Variants in BRWD3 observed in about 807,000 individuals in gnomAD.
The protein encoded by BRWD3 is bromodomain and WD repeat domain containing 3.
Under a neutral mutation model 149.7 loss-of-function variants are expected in BRWD3, and 10 were observed. The ratio of observed to expected loss-of-function variants is 0.07; its 90% CI spans 0.04 to 0.11. The LOEUF (loss-of-function observed/expected upper bound fraction) is 0.11, where lower values mean the gene tolerates loss of function less well. Among genes scored for constraint, BRWD3 ranks in the 10% least tolerant of loss-of-function variants. The pLI, the probability that BRWD3 is intolerant of heterozygous loss-of-function variation, is 1.00. For missense variants in BRWD3, 940 were observed against 1,373.2 expected, an observed-to-expected ratio of 0.68 and a Z score of 4.99; for synonymous variants, 504 against 456.7, an observed-to-expected ratio of 1.10 and a Z score of -1.32.
chrX:80,670,336 T>G lies in BRWD3; in HGVS notation c.*6273A>C. Among the ~76,000 whole-genome samples the G allele has an allele frequency of 9.0e-6, 1 of 111,423 alleles. No individual in the cohort carries two copies. Among genetic ancestry groups the G allele is most frequent in the Admixed American group, 9.6e-5 (1 of 10,441 alleles). ...TCAAAAGATCAACTCACAGGCTCAATATATTGGTTTTATTTTGCACATTTT... is the reference window on the plus strand; with the variant it reads ...TCAAAAGATCAACTCACAGGCTCAAGATATTGGTTTTATTTTGCACATTTT... On this transcript the variant is annotated 3_prime_UTR_variant, in exon 41 of 41. Coordinates refer to ENST00000373275, the MANE Select transcript of BRWD3 (RefSeq NM_153252.5).
chrX:80,735,063 A>T, intron 10 of BRWD3, 64 bp downstream of exon 10: 4 of 974,465 alleles, frequency 4.1e-6, no homozygotes, highest in Non-Finnish European at 5.9e-6. Context: ...TTCTTCATAA[A>T]TCACTTTCAC....
At chrX:80,703,456 A>T in intron 24 of BRWD3, 24 bp downstream of exon 24, 1 of 1,064,963 alleles carries the variant, frequency 9.4e-7, no homozygotes, top group Non-Finnish European at 1.3e-6. Context: ...TCCACAGAAA[A>T]AGGTTATAAC....
Position 80,754,253 on chromosome X carries a change from A to G in BRWD3, c.431-8524T>C, listed in dbSNP as rs1351145651. ...CCTCCTTGGTTAAATATATTCCTAG[A>G]TTTTGGGGGTTTTTTTGTAGCTATT... On this transcript the variant is annotated intron_variant, in intron 6 of 40. Coordinates refer to ENST00000373275, the MANE Select transcript of BRWD3 (RefSeq NM_153252.5). Among the ~76,000 whole-genome samples the G allele has an allele frequency of 2.7e-5, 3 of 111,319 alleles. No individual in the cohort carries two copies. The Admixed American group carries it at 2.9e-4, about 11-fold the overall frequency.
chrX:80,707,184 A>T (rs1416607228), intron 22 of BRWD3, among the ~76,000 whole-genome samples: 1 of 112,502 alleles, frequency 8.9e-6, no homozygotes, highest in African/African-American at 3.2e-5. Context: ...TATAATTGCC[A>T]AGATGTAGAA....
At chrX:80,728,335 A>G (rs2073278697) in intron 14 of BRWD3, among the ~76,000 whole-genome samples, 1 of 111,564 alleles carries the variant, frequency 9.0e-6, no homozygotes, top group South Asian at 3.7e-4. Flanking sequence ...TTTCTGAAAG[A>G]GGAAAAAAGA....
chrX:80,691,529 C>T (rs757257498), intron 30 of BRWD3, among the ~76,000 whole-genome samples: 1 of 111,423 alleles, frequency 9.0e-6, no homozygotes, highest in South Asian at 3.8e-4. Flanking sequence ...ACCAAGAAAC[C>T]CATCCAAAGT....
chrX:80,783,552 T>C lies in BRWD3; in HGVS notation c.430+8302A>G, dbSNP rs376495287. 1.2e-4 allele frequency among the ~76,000 whole-genome samples: 13 copies of C among 110,347 alleles called. No homozygotes were observed. The East Asian group carries it at 2.0e-3, about 17-fold the overall frequency. On this transcript the variant is annotated intron_variant, in intron 6 of 40. Transcript: ENST00000373275. ...ACTAAAAATAGGACTACCATATAAT[T>C]CAGTGATCCTACTGCTAGGTATATA...
intron 23 of BRWD3, 82 bp downstream of exon 23, chrX:80,704,596 C>T: frequency 1.1e-6 from 1 of 891,424 alleles, no homozygotes; most frequent in Middle Eastern, 2.8e-4. Context: ...AGAGAAAAGT[C>T]AATGTTACAA....
intron 6 of BRWD3, among the ~76,000 whole-genome samples, chrX:80,757,111 T>C (rs1029186038): frequency 6.2e-5 from 7 of 112,061 alleles, no homozygotes; most frequent in African/African-American, 2.3e-4. Context: ...CTTCAAAATC[T>C]ATACTTCAAG....
intron 12 of BRWD3, 119 bp from the exon 13 acceptor site, chrX:80,730,139 T>C: frequency 2.0e-6 from 1 of 511,388 alleles, no homozygotes; most frequent in Non-Finnish European, 3.4e-6. Context: ...AATGGTACAG[T>C]CACTTTGGAA....
chrX:80,686,596 T>C (rs2072528568), intron 35 of BRWD3, among the ~76,000 whole-genome samples: 2 of 110,901 alleles, frequency 1.8e-5, no homozygotes, highest in Admixed American at 9.6e-5. Flanking sequence ...GTAAAATGTA[T>C]TAAATAAACG....
At chrX:80,796,387 C>T (rs1034940428) in intron 4 of BRWD3, among the ~76,000 whole-genome samples, 7 of 111,255 alleles carry the variant, frequency 6.3e-5, no homozygotes, top group Admixed American at 9.6e-5. Context: ...CCTCAGCCTC[C>T]CAAAGTGCTG....
At chrX:80,788,274 A>T in intron 6 of BRWD3, among the ~76,000 whole-genome samples, 1 of 110,362 alleles carries the variant, frequency 9.1e-6, no homozygotes, top group Non-Finnish European at 1.9e-5. Flanking sequence ...TCAATTTAAA[A>T]AGATGGGGGC....
chrX:80,683,950 C>G, intron 37 of BRWD3, 60 bp downstream of exon 37: 2 of 1,117,923 alleles, frequency 1.8e-6, no homozygotes, highest in Non-Finnish European at 2.5e-6. Flanking sequence ...TACTGAGGAC[C>G]AATTTTCAGT....
At position 80,673,015 on chromosome X, in the gene BRWD3, A is replaced by G. The variant is rs879201626; in HGVS notation, c.*3594T>C. On this transcript the variant is annotated 3_prime_UTR_variant, in exon 41 of 41. Coordinates refer to ENST00000373275, the MANE Select transcript of BRWD3 (RefSeq NM_153252.5). ...AAAAATGCTCAAAAAAGTTTTATCA[A>G]AAAGTTAGAAGTGGCATTTATATCT... 8.0e-5 allele frequency: 9 copies of G among 112,298 alleles called. No homozygotes were observed. Among genetic ancestry groups the G allele is most frequent in the Admixed American group, 1.9e-4 (2 of 10,577 alleles). 9.3% of individuals were successfully genotyped at this position (112,298 alleles called of 1,213,427 possible).
chrX:80,686,424 A>T (rs1346983807), intron 35 of BRWD3, among the ~76,000 whole-genome samples: 2 of 105,509 alleles, frequency 1.9e-5, no homozygotes, highest in South Asian at 4.1e-4. Context: ...AGTATAATAA[A>T]ATATATATAT....
chrX:80,689,804 A>T lies in BRWD3; in HGVS notation c.3771T>A (p.Ile1257=). ...CAGTACTGTTTCGTTCTTCTGCTTT[A>T]ATTTTATTATAAGTATCCAGTATAT... ...CTDILDTYNK[I]KAEERNSTDA... The change falls in exon 33 of 41, where the codon ATT becomes ATA. Residue 1257 remains isoleucine, a synonymous_variant. Transcript: ENST00000373275. The T allele has an allele frequency of 8.3e-7, 1 of 1,203,648 alleles. No homozygotes were observed. Among genetic ancestry groups the T allele is most frequent in the Non-Finnish European group, 1.1e-6 (1 of 889,495 alleles).
At chrX:80,808,400 G>C (rs893536244) in intron 4 of BRWD3, 139 bp downstream of exon 4, 29 of 531,327 alleles carry the variant, frequency 5.5e-5, no homozygotes, top group Admixed American at 4.5e-4. Flanking sequence ...GCAGGGATGG[G>C]GGAAGGGGCA....
At chrX:80,741,850 T>C (rs1360179683) in intron 8 of BRWD3, among the ~76,000 whole-genome samples, 1 of 111,840 alleles carries the variant, frequency 8.9e-6, no homozygotes, top group Admixed American at 9.5e-5. Context: ...CTTTCTCCCA[T>C]TCTGTAGGTT....
Sources: allele counts gnomAD v4.1 joint callset (sites outside exome capture counted in the v4.1 genomes callset), GRCh38; gene constraint gnomAD v4.1.1; transcripts MANE v1.5; gene names NCBI Gene and HGNC (gene_info 2026-07-23, HGNC 2026-07-21).